FMO1: variants seen among roughly 807,000 people sequenced by gnomAD.
The protein encoded by FMO1 is flavin-containing monooxygenase 1.
In FMO1, 36 loss-of-function variants were observed where a neutral mutation model predicts 45.4. The ratio of observed to expected loss-of-function variants is 0.79; its 90% CI spans 0.61 to 1.05. FMO1 has a LOEUF of 1.05. Among genes scored for constraint, FMO1 ranks in the 50% least tolerant of loss-of-function variants. The pLI, the probability that FMO1 is intolerant of heterozygous loss-of-function variation, is 0.00. For missense variants in FMO1, 615 were observed against 640.3 expected (o/e 0.96, Z 0.43); for synonymous variants, 228 against 227.2 (o/e 1.00, Z -0.03).
Position 171,278,816 on chromosome 1 carries a change from G to C in FMO1, c.572G>C (p.Gly191Ala). ...IFKDKRVLVI[G>A]MGNSGTDIAV... ...AAGGACAAGAGAGTCCTTGTGATTG[G>C]AATGGGAAATTCTGGCACAGACATT... Residue 191 changes from glycine (G) to alanine (A), a missense_variant, in exon 5 of 9, where the codon GGA becomes GCA. Gly to Ala is a moderately conservative substitution (Grantham distance 60). Transcript: ENST00000617670. 6.2e-7 allele frequency: 1 copy of C among 1,613,076 alleles called. No homozygotes were observed. The highest frequency in any genetic ancestry group is 8.5e-7 in the Non-Finnish European group (1 of 1,179,272).
rs766127288 is a variant in FMO1 at position 171,280,984 on chromosome 1, A to G, written c.826A>G (p.Arg276Gly). 1.2e-6 allele frequency: 2 copies of G among 1,613,266 alleles called. No individual in the cohort carries two copies. Among genetic ancestry groups the G allele is most frequent in the Non-Finnish European group, 1.7e-6 (2 of 1,179,352 alleles). The change falls in exon 6 of 9, where the codon AGG (arginine) becomes GGG (glycine). Residue 276 changes from arginine (R) to glycine (G), a missense_variant and splice_region_variant. Physicochemically the swap from Arg to Gly is moderately radical, Grantham distance 125. Transcript: ENST00000617670. ...AAATTACGGCTTAATACCAGAAGAC[A>G]GGTAAATATAATGTGACTGCCAAGG... The part of the protein sequence containing the change: ...HANYGLIPED[R>G]TQLKEFVLND...
intron 4 of FMO1, among the ~76,000 whole-genome samples, chr1:171,276,872 A>G (rs1238846074): frequency 6.6e-6 from 1 of 152,198 alleles, no homozygotes; most frequent in East Asian, 1.9e-4. Context: ...GTTTGAGTAG[A>G]AGAGGTAGGG....
Position 171,285,749 on chromosome 1 carries a change from G to GAC in FMO1, c.*206_*207dup, listed in dbSNP as rs1175179472. On this transcript the variant is annotated 3_prime_UTR_variant, in exon 9 of 9. Coordinates refer to ENST00000617670, the MANE Select transcript of FMO1 (RefSeq NM_001282693.2). ...TCTAATGCTAGAGAATGATAACTAA[G>GAC]ACTTCTGTGCATTTGAAGGTTGTTG... 1 of 387,822 alleles carries GAC rather than the reference G, an allele frequency of 2.6e-6. No individual in the cohort carries two copies. Among genetic ancestry groups the GAC allele is most frequent in the African/African-American group, 2.1e-5 (1 of 48,364 alleles). The allele number at this position is 387,822 out of a possible 1,614,324, so 24.0% of individuals were successfully genotyped here.
chr1:171,269,534 C>A (rs1421139795), intron 3 of FMO1, among the ~76,000 whole-genome samples: 1 of 152,112 alleles, frequency 6.6e-6, no homozygotes, highest in Non-Finnish European at 1.5e-5. Flanking sequence ...ATTACATAAA[C>A]AAATGCAAAT....
chr1:171,249,908 C>T (rs766352192), intron 1 of FMO1, among the ~76,000 whole-genome samples: 33 of 152,060 alleles, frequency 2.2e-4, no homozygotes, highest in Middle Eastern at 3.2e-3. Context: ...TTCTTGACAT[C>T]AACAAATAAA....
At chr1:171,258,939 T>G (rs1484325445) in intron 2 of FMO1, among the ~76,000 whole-genome samples, 1 of 152,172 alleles carries the variant, frequency 6.6e-6, no homozygotes, top group African/African-American at 2.4e-5. Context: ...TTAAAGCCAT[T>G]GAAACCCTGA....
chr1:171,276,296 G>T (rs1029033444), intron 4 of FMO1, among the ~76,000 whole-genome samples: 1 of 152,188 alleles, frequency 6.6e-6, no homozygotes, highest in Admixed American at 6.5e-5. Flanking sequence ...CTCAGATCAG[G>T]TTAGATTAGG....
At chr1:171,281,089 T>G in intron 6 of FMO1, 104 bp downstream of exon 6, 1 of 844,742 alleles carries the variant, frequency 1.2e-6, no homozygotes. Flanking sequence ...GCTGAATGTG[T>G]GGGAACACTT....
In FMO1 at chr1:171,275,402, G is replaced by A. The variant is rs28360397; in HGVS notation, c.378G>A (p.Glu126=). ...CSDSAVSGQW[E]VVTMHEEKQE... is the part of the protein sequence containing the mutation. ...ATTCTGCTGTCTCTGGCCAATGGGA[G>A]GTGGTCACTATGCATGAAGAGAAGC... The change falls in exon 4 of 9, where the codon GAG becomes GAA. Residue 126 remains glutamate, a synonymous_variant. Transcript: ENST00000617670. 8.1e-6 allele frequency: 13 copies of A among 1,613,710 alleles called. No homozygotes were observed. Among genetic ancestry groups the A allele is most frequent in the African/African-American group, 2.7e-5 (2 of 74,906 alleles).
intron 1 of FMO1, among the ~76,000 whole-genome samples, chr1:171,250,429 A>G (rs992216113): frequency 3.9e-5 from 6 of 152,344 alleles, no homozygotes; most frequent in African/African-American, 1.4e-4. Flanking sequence ...TGCTTCTTCA[A>G]AATTTTAAAA....
intron 1 of FMO1, among the ~76,000 whole-genome samples, chr1:171,254,246 G>A (rs1660046023): frequency 6.6e-6 from 1 of 152,122 alleles, no homozygotes; most frequent in African/African-American, 2.4e-5. Flanking sequence ...ACACCACCAT[G>A]CCCAGCTAAC....
chr1:171,280,260 G>A (rs1276538678), intron 5 of FMO1, among the ~76,000 whole-genome samples: 1 of 152,172 alleles, frequency 6.6e-6, no homozygotes, highest in East Asian at 1.9e-4. Context: ...AATTGTACAG[G>A]AAACTCCTTA....
At chr1:171,269,266 T>A (rs1305951777) in intron 3 of FMO1, among the ~76,000 whole-genome samples, 1 of 152,134 alleles carries the variant, frequency 6.6e-6, no homozygotes, top group Non-Finnish European at 1.5e-5. Context: ...TAGAACAGTT[T>A]GGAGGGCTCA....
rs868057676 is a variant in FMO1 at position 171,283,175 on chromosome 1, G to A, written c.1215G>A (p.Met405Ile). ...GVNKLPPPSV[M>I]IEEINARKEN... is the part of the protein sequence containing the mutation. The stretch of plus-strand genomic sequence containing the variant: ...ATAAGTTACCACCACCAAGTGTCAT[G>A]ATAGAGGAAATTAATGCAAGGAAAG... The change falls in exon 8 of 9, where the codon ATG (methionine) becomes ATA (isoleucine). Residue 405 changes from methionine (M) to isoleucine (I), a missense_variant. Coordinates refer to ENST00000617670, the MANE Select transcript of FMO1 (RefSeq NM_001282693.2). 8.1e-6 allele frequency: 12 copies of A among 1,486,454 alleles called. No homozygotes were observed. Among genetic ancestry groups the A allele is most frequent in the Non-Finnish European group, 1.0e-5 (11 of 1,100,968 alleles). 92.1% of individuals were successfully genotyped at this position (1,486,454 alleles called of 1,614,324 possible). A position where few individuals can be genotyped will look rare whatever the true frequency, so the allele number is the denominator to read the frequency against.
At chr1:171,282,875 T>G in intron 7 of FMO1, 1 of 369,632 alleles carries the variant, frequency 2.7e-6, no homozygotes, top group Non-Finnish European at 4.9e-6. Flanking sequence ...CTCAAGCAAA[T>G]GAGTGACAAC....
chr1:171,272,686 C>T (rs545003582), intron 3 of FMO1, among the ~76,000 whole-genome samples: 36 of 152,314 alleles, frequency 2.4e-4, no homozygotes, highest in Non-Finnish European at 4.7e-4. Flanking sequence ...TGCTGGATTT[C>T]GGACTTGCAT....
intron 2 of FMO1, among the ~76,000 whole-genome samples, chr1:171,261,956 G>C (rs1348778699): frequency 6.6e-6 from 1 of 152,222 alleles, no homozygotes; most frequent in Non-Finnish European, 1.5e-5. Flanking sequence ...GACCCAAGTA[G>C]AGGCTGGACA....
At chr1:171,250,637 T>TA (rs1257282469) in intron 1 of FMO1, among the ~76,000 whole-genome samples, 1 of 152,236 alleles carries the variant, frequency 6.6e-6, no homozygotes, top group Non-Finnish European at 1.5e-5. Flanking sequence ...ACCCTGTAGT[T>TA]AAAAATCAGT....
chr1:171,248,740 T>C (rs1659742162), intron 1 of FMO1, 117 bp downstream of exon 1: 1 of 152,042 alleles, frequency 6.6e-6, no homozygotes, highest in Non-Finnish European at 1.5e-5. Context: ...CAGCTTTCTC[T>C]GTCCAACCCT....
Sources: gnomAD v4.1 joint callset for allele counts (sites outside exome capture counted in the v4.1 genomes callset) on GRCh38, gnomAD v4.1.1 for gene constraint, MANE v1.5 for transcripts, NCBI Gene and HGNC (gene_info 2026-07-23, HGNC 2026-07-21) for gene names.